STX6: variants seen among roughly 807,000 people sequenced by gnomAD.
The protein encoded by STX6 is syntaxin 6, also known as syntaxin-6.
Under a neutral mutation model 38.0 loss-of-function variants are expected in STX6, and 23 were observed. The observed-to-expected ratio is 0.60, with a 90% CI of 0.43 to 0.86. STX6 has a LOEUF of 0.86. Ranked by LOEUF, STX6 falls within the 40% of genes least tolerant of loss-of-function variation. STX6 has a pLI of 0.00. For synonymous variants in STX6, 123 were observed against 107.5 expected (o/e 1.14, Z -0.89); for missense variants, 274 against 312.9 (o/e 0.88, Z 0.94).
rs908685718 is a variant in STX6 at position 181,021,797 on chromosome 1, T to C, written c.35+842A>G. ...ATCAAAGATGAGCTAGGATAGCTTGTAAGGGAACAGAAGGCAGTCCTTTCT... is the reference window on the plus strand; with the variant it reads ...ATCAAAGATGAGCTAGGATAGCTTGCAAGGGAACAGAAGGCAGTCCTTTCT... On this transcript the variant is annotated intron_variant, in intron 1 of 7. Transcript: ENST00000258301. 2.6e-5 allele frequency among the ~76,000 whole-genome samples: 4 copies of C among 152,332 alleles called. No individual in the cohort carries two copies. In the East Asian group the frequency reaches 7.7e-4, roughly 29 times the overall value.
intron 6 of STX6, among the ~76,000 whole-genome samples, chr1:180,986,376 A>G (rs1176641344): frequency 1.3e-5 from 2 of 152,238 alleles, no homozygotes; most frequent in Non-Finnish European, 2.9e-5. Flanking sequence ...AAGCTATTTT[A>G]TATTTTTCTA....
intron 1 of STX6, among the ~76,000 whole-genome samples, chr1:181,008,298 G>C (rs1335560141): frequency 6.6e-6 from 1 of 152,094 alleles, no homozygotes; most frequent in Non-Finnish European, 1.5e-5. Context: ...TCTTGTACAG[G>C]CTGAGATTCC....
At chr1:181,022,239 C>T (rs1406536182) in intron 1 of STX6, among the ~76,000 whole-genome samples, 1 of 152,138 alleles carries the variant, frequency 6.6e-6, no homozygotes, top group African/African-American at 2.4e-5. Context: ...TCAGGAGGGC[C>T]ATTTCCCTTT....
At chr1:181,014,194 G>A (rs1239446133) in intron 1 of STX6, among the ~76,000 whole-genome samples, 4 of 152,024 alleles carry the variant, frequency 2.6e-5, no homozygotes, top group East Asian at 3.9e-4. Context: ...TCAGGAGTTC[G>A]AGACCAGCCT....
chr1:180,986,487 C>A (rs1334357197), intron 6 of STX6, among the ~76,000 whole-genome samples: 2 of 152,216 alleles, frequency 1.3e-5, no homozygotes, highest in Admixed American at 6.5e-5. Flanking sequence ...TGGCTAGTAG[C>A]TATTATACTG....
At chr1:180,996,515 T>C (rs1655919218) in intron 3 of STX6, among the ~76,000 whole-genome samples, 1 of 152,236 alleles carries the variant, frequency 6.6e-6, no homozygotes, top group Admixed American at 6.5e-5. Context: ...GAAGGTATAT[T>C]CTGATACTCT....
At chr1:181,017,477 G>A (rs1656595111) in intron 1 of STX6, among the ~76,000 whole-genome samples, 1 of 152,176 alleles carries the variant, frequency 6.6e-6, no homozygotes, top group Non-Finnish European at 1.5e-5. Flanking sequence ...AAAGAGCCAT[G>A]GTATTTGTAC....
chr1:180,977,439 T>G (rs1655287458), intron 7 of STX6, among the ~76,000 whole-genome samples: 1 of 152,178 alleles, frequency 6.6e-6, no homozygotes, highest in South Asian at 2.1e-4. Flanking sequence ...CCCGCAGGGC[T>G]GTTGTGAGAA....
At chr1:180,978,264 TC>T in intron 7 of STX6, among the ~76,000 whole-genome samples, 2 of 152,276 alleles carry the variant, frequency 1.3e-5, no homozygotes, top group Middle Eastern at 6.8e-3. Context: ...AGAAGTGAGG[TC>T]ACATGGTAAA....
At chr1:180,985,122 A>G (rs1315133489) in intron 6 of STX6, among the ~76,000 whole-genome samples, 1 of 145,798 alleles carries the variant, frequency 6.9e-6, no homozygotes, top group Non-Finnish European at 1.5e-5. Context: ...TTTCTGTAAC[A>G]TGAGCTTGCG....
At chr1:180,979,027 G>A (rs1212221032) in intron 7 of STX6, among the ~76,000 whole-genome samples, 2 of 152,184 alleles carry the variant, frequency 1.3e-5, no homozygotes, top group South Asian at 2.1e-4. Flanking sequence ...TTAAAACTAT[G>A]ATTAATATGC....
intron 3 of STX6, among the ~76,000 whole-genome samples, chr1:180,996,197 A>G (rs1384956883): frequency 6.6e-6 from 1 of 152,192 alleles, no homozygotes; most frequent in East Asian, 1.9e-4. Flanking sequence ...CATAAAATAG[A>G]TACAAAAAAA....
intron 6 of STX6, among the ~76,000 whole-genome samples, chr1:180,987,018 T>A (rs1655607375): frequency 6.6e-6 from 1 of 152,204 alleles, no homozygotes; most frequent in African/African-American, 2.4e-5. Context: ...TCACACCTGA[T>A]CACACCATCA....
intron 3 of STX6, among the ~76,000 whole-genome samples, chr1:181,000,256 C>A (rs147752133): frequency 6.6e-6 from 1 of 152,320 alleles, no homozygotes; most frequent in Non-Finnish European, 1.5e-5. Context: ...ATTTGGAATA[C>A]CTCTCATTAC....
At chr1:180,978,704 T>A (rs1655318689) in intron 7 of STX6, among the ~76,000 whole-genome samples, 1 of 152,180 alleles carries the variant, frequency 6.6e-6, no homozygotes. Flanking sequence ...TCCAGTCTTC[T>A]CTAGCCATCC....
intron 3 of STX6, among the ~76,000 whole-genome samples, chr1:180,997,821 G>A (rs569739241): frequency 3.3e-5 from 5 of 152,274 alleles, no homozygotes; most frequent in South Asian, 4.1e-4. Flanking sequence ...TCATGCCACT[G>A]CTTTTTAAAA....
chr1:180,988,466 C>T, intron 5 of STX6, 121 bp from the exon 6 acceptor site: 3 of 711,838 alleles, frequency 4.2e-6, no homozygotes, highest in Non-Finnish European at 7.3e-6. Flanking sequence ...AGAAGCAAAG[C>T]CCAGAAATCA....
chr1:180,984,665 C>G lies in STX6; in HGVS notation c.691+12G>C. Reference sequence around the variant, plus strand: ...TAAGTACAAATGCTTAAGCTTTAAACGCCATACATACCACTGGTCATATGA... The same window carrying G: ...TAAGTACAAATGCTTAAGCTTTAAAGGCCATACATACCACTGGTCATATGA... On this transcript the variant is annotated intron_variant, in intron 7 of 7. Transcript: ENST00000258301. The G allele has an allele frequency of 7.6e-7, 1 of 1,324,322 alleles. No individual in the cohort carries two copies. Among genetic ancestry groups the G allele is most frequent in the South Asian group, 1.2e-5 (1 of 83,550 alleles). 82.0% of individuals were successfully genotyped at this position (1,324,322 alleles called of 1,614,324 possible).
intron 7 of STX6, 132 bp from the exon 8 acceptor site, chr1:180,976,778 C>T (rs1215920543): frequency 9.0e-6 from 7 of 781,362 alleles, no homozygotes; most frequent in African/African-American, 1.7e-5. Flanking sequence ...CATGATCTTA[C>T]ACCTGCCTAG....
Sources: allele counts gnomAD v4.1 joint callset (sites outside exome capture counted in the v4.1 genomes callset), GRCh38; gene constraint gnomAD v4.1.1; transcripts MANE v1.5; gene names NCBI Gene and HGNC (gene_info 2026-07-23, HGNC 2026-07-21).